Variants in TRPM5 observed in about 807,000 individuals in gnomAD.
The protein encoded by TRPM5 is MLSN1 and TRP-related.
In TRPM5, 121 loss-of-function variants were observed where a neutral mutation model predicts 124.9. That is an observed-to-expected ratio of 0.97 (90% CI 0.84 to 1.13). The LOEUF is 1.13. Ranked by LOEUF, TRPM5 falls within the 50% of genes most tolerant of loss-of-function variation. TRPM5 has a pLI of 0.00. For synonymous variants in TRPM5, 781 were observed against 700.5 expected, an observed-to-expected ratio of 1.11 and a Z score of -1.81; for missense variants, 1,643 against 1,589.1, an observed-to-expected ratio of 1.03 and a Z score of -0.58.
chr11:2,426,540 C>G (rs1421453324), upstream of TRPM5, among the ~76,000 whole-genome samples: 1 of 152,196 alleles, frequency 6.6e-6, no homozygotes, highest in Non-Finnish European at 1.5e-5. Context: ...ACTGAGGCAG[C>G]CCCCCAGACG....
At chr11:2,431,617 G>A in the TRPM5 span, among the ~76,000 whole-genome samples, 4 of 152,052 alleles carry the variant, frequency 2.6e-5, no homozygotes, top group Non-Finnish European at 5.9e-5. Flanking sequence ...CTATTACCCT[G>A]ACAATAAAAC....
At chr11:2,423,149 A>G (rs906807897), upstream of TRPM5, 15 of 834,046 alleles carry the variant, frequency 1.8e-5, no homozygotes, top group African/African-American at 2.6e-4. Context: ...GCCCCTCTCC[A>G]GCCAACATGC....
At chr11:2,418,481 C>T (rs781314605) in intron 5 of TRPM5, 46 bp downstream of exon 10, 3 of 1,585,682 alleles carry the variant, frequency 1.9e-6, no homozygotes, top group South Asian at 2.3e-5. Context: ...CACCGCACCC[C>T]TCCACAAGGC....
At chr11:2,404,032 C>T (rs1275769095), downstream of TRPM5, among the ~76,000 whole-genome samples, 2 of 152,210 alleles carry the variant, frequency 1.3e-5, no homozygotes, top group Non-Finnish European at 2.9e-5. Flanking sequence ...TTGGAAACCC[C>T]AGGCCTCCTC....
At chr11:2,406,765 C>G in exon 21 of TRPM5, 1 of 1,613,426 alleles carries the variant, frequency 6.2e-7, no homozygotes, top group Non-Finnish European at 8.5e-7. Flanking sequence ...TGACGACCTT[C>G]TGGTCCAGGG....
At chr11:2,413,795 T>C (rs936979226) in intron 12 of TRPM5, among the ~76,000 whole-genome samples, 2 of 152,078 alleles carry the variant, frequency 1.3e-5, no homozygotes, top group Non-Finnish European at 2.9e-5. Context: ...GCTGTACCCT[T>C]CACTAGGGAA....
chr11:2,406,325 G>A lies in TRPM5; in HGVS notation c.3252-234C>T, dbSNP rs552439030. Among the ~76,000 whole-genome samples the A allele has an allele frequency of 2.3e-4, 35 of 152,300 alleles. 1 individual carries two copies. In the South Asian group the frequency reaches 4.6e-3, roughly 20 times the overall value. On this transcript the variant is annotated intron_variant, in intron 21 of 23. Transcript: ENST00000155858. ...GCTAGGGTGCCATCCCTGCCTGGGC[G>A]CACCACCCAGAAAGACGGTGCAGGG...
chr11:2,426,585 C>T (rs1845842273), upstream of TRPM5, among the ~76,000 whole-genome samples: 1 of 152,110 alleles, frequency 6.6e-6, no homozygotes, highest in Admixed American at 6.5e-5. Context: ...CAGCGGGGCA[C>T]CTGTAGCCGC....
chr11:2,416,510 G>T (rs980579438), intron 7 of TRPM5, among the ~76,000 whole-genome samples: 1 of 152,186 alleles, frequency 6.6e-6, no homozygotes, highest in African/African-American at 2.4e-5. Flanking sequence ...AGACTCGCAC[G>T]TGAGGCTCAC....
At chr11:2,416,766 C>T (rs1338464042) in intron 7 of TRPM5, among the ~76,000 whole-genome samples, 2 of 152,230 alleles carry the variant, frequency 1.3e-5, no homozygotes, top group African/African-American at 2.4e-5. Flanking sequence ...GGGGCTGTGT[C>T]TGCCTGCCAG....
intron 18 of TRPM5, among the ~76,000 whole-genome samples, chr11:2,409,580 G>T (rs978697237): frequency 1.1e-4 from 16 of 152,192 alleles, no homozygotes; most frequent in African/African-American, 3.6e-4. Flanking sequence ...GGCTGTACAG[G>T]AACTGTCTGA....
chr11:2,413,552 C>A (rs367610086), exon 13 of TRPM5: 2 of 1,612,544 alleles, frequency 1.2e-6, no homozygotes, highest in East Asian at 2.2e-5. Flanking sequence ...GGCGTGCCTG[C>A]GGCCATGTCC....
chr11:2,418,380 G>C (rs983441813), intron 5 of TRPM5, 22 bp from the exon 11 acceptor site: 4 of 1,539,804 alleles, frequency 2.6e-6, no homozygotes, highest in Non-Finnish European at 3.5e-6. Context: ...AGGGAGGGGA[G>C]AGCGGACCCC....
rs191333454 is a variant in TRPM5 at position 2,413,973 on chromosome 11, G to A, written c.1890+88C>T. On this transcript the variant is annotated intron_variant, in intron 12 of 23. Transcript: ENST00000155858. Reference sequence around the variant, plus strand: ...TGAGGACGGGAGTGACAGGGCAGCTGCAGGCTGGGAAGTCAACTCAAGCTG... The same window carrying A: ...TGAGGACGGGAGTGACAGGGCAGCTACAGGCTGGGAAGTCAACTCAAGCTG... 1,212 of 1,507,164 alleles carry A rather than the reference G, an allele frequency of 8.0e-4. 7 individuals are homozygous for A. In the African/African-American group the frequency reaches 0.01, roughly 13 times the overall value. The allele number at this position is 1,507,164 out of a possible 1,614,324, so 93.4% of individuals were successfully genotyped here.
At chr11:2,413,111 C>G in intron 14 of TRPM5, 23 bp downstream of exon 19, 2 of 1,551,388 alleles carry the variant, frequency 1.3e-6, no homozygotes, top group Non-Finnish European at 1.7e-6. Flanking sequence ...CCCCTCCACC[C>G]TGCCTGGCCC....
At chr11:2,432,117 C>A in the TRPM5 span, among the ~76,000 whole-genome samples, 1,720 of 152,318 alleles carry the variant, frequency 0.011, 37 homozygotes, top group African/African-American at 0.039. Context: ...AGACACTGGG[C>A]CGGGGCTCCA....
the TRPM5 span, among the ~76,000 whole-genome samples, chr11:2,429,655 A>G: frequency 6.7e-6 from 1 of 149,158 alleles, no homozygotes; most frequent in Non-Finnish European, 1.5e-5. This position sits in a 1 kb window ranked among gnomAD's most constrained non-coding sequence, Gnocchi z 8.4. Context: ...GGTGATGGTG[A>G]TATCAGTGTG....
At chr11:2,433,360 G>A in the TRPM5 span, among the ~76,000 whole-genome samples, 6 of 152,392 alleles carry the variant, frequency 3.9e-5, no homozygotes, top group East Asian at 9.6e-4. Flanking sequence ...AAAGGAAGGT[G>A]TAGCCTTCTT....
At chr11:2,434,264 T>C in the TRPM5 span, among the ~76,000 whole-genome samples, 1 of 151,732 alleles carries the variant, frequency 6.6e-6, no homozygotes, top group East Asian at 1.9e-4. Flanking sequence ...TGTGTGTGCG[T>C]CTGTGTGGAC....
Sources: allele counts gnomAD v4.1 joint callset (sites outside exome capture counted in the v4.1 genomes callset), GRCh38; gene constraint gnomAD v4.1.1; non-coding constraint Gnocchi (gnomAD v3.1); transcripts MANE v1.5; gene names NCBI Gene and HGNC (gene_info 2026-07-23, HGNC 2026-07-21).